Variants in ENTREP2 observed in about 807,000 individuals in gnomAD.
ENTREP2 encodes endosomal transmembrane epsin interactor 2.
At chr15:29,319,008 A>G in the ENTREP2 span, among the ~76,000 whole-genome samples, 2 of 152,334 alleles carry the variant, frequency 1.3e-5, no homozygotes, top group East Asian at 3.9e-4. Flanking sequence ...GATTAACTGT[A>G]TACCACCTAA....
At chr15:29,200,769 C>T in the ENTREP2 span, among the ~76,000 whole-genome samples, 5 of 152,178 alleles carry the variant, frequency 3.3e-5, no homozygotes, top group Admixed American at 6.5e-5. Flanking sequence ...GCCATATTGG[C>T]CAGGCTGGTC....
At chr15:29,332,266 T>C in the ENTREP2 span, among the ~76,000 whole-genome samples, 27 of 152,138 alleles carry the variant, frequency 1.8e-4, no homozygotes, top group African/African-American at 3.4e-4. Context: ...AAAAAAAAGA[T>C]GAAATCATCG....
chr15:29,120,006 C>T, the ENTREP2 span, among the ~76,000 whole-genome samples: 1 of 152,262 alleles, frequency 6.6e-6, no homozygotes, highest in Non-Finnish European at 1.5e-5. Flanking sequence ...CCCTTGGAGG[C>T]CATGTCCATG....
chr15:29,395,124 G>A, the ENTREP2 span, among the ~76,000 whole-genome samples: 96,515 of 145,420 alleles, frequency 0.66, 34,520 homozygotes, highest in Admixed American at 0.77. Context: ...TCCTGATCTC[G>A]TGATCCGCCC....
chr15:29,207,455 C>CGGGGGGG, the ENTREP2 span, among the ~76,000 whole-genome samples: 93 of 122,986 alleles, frequency 7.6e-4, no homozygotes, highest in African/African-American at 2.8e-3. Context: ...GGTTGGGGGG[C>CGGGGGGG]GGGGGGGGTG....
the ENTREP2 span, among the ~76,000 whole-genome samples, chr15:29,208,762 G>C: frequency 2.4e-4 from 36 of 152,266 alleles, no homozygotes; most frequent in East Asian, 7.0e-3. Context: ...AGCAATACAC[G>C]AGAATAGCCA....
chr15:29,622,242 T>C, the ENTREP2 span, among the ~76,000 whole-genome samples: 2 of 152,166 alleles, frequency 1.3e-5, no homozygotes, highest in Non-Finnish European at 2.9e-5. Context: ...AGTCTAGCTC[T>C]GTTGCCCAGG....
the ENTREP2 span, among the ~76,000 whole-genome samples, chr15:29,627,924 T>C: frequency 6.6e-6 from 1 of 152,232 alleles, no homozygotes. Context: ...TTTCACCTAT[T>C]GTGAATAATG....
the ENTREP2 span, among the ~76,000 whole-genome samples, chr15:29,286,571 G>T: frequency 2.0e-5 from 3 of 152,142 alleles, no homozygotes; most frequent in Non-Finnish European, 4.4e-5. Context: ...GAATGCGGCG[G>T]TAGTGACACT....
chr15:29,494,099 G>A, the ENTREP2 span, among the ~76,000 whole-genome samples: 47 of 151,738 alleles, frequency 3.1e-4, no homozygotes, highest in African/African-American at 9.9e-4. Context: ...AACAAGGATC[G>A]AAAAGAGACA....
chr15:29,244,862 A>G, the ENTREP2 span, among the ~76,000 whole-genome samples: 1 of 152,242 alleles, frequency 6.6e-6, no homozygotes, highest in Non-Finnish European at 1.5e-5. Flanking sequence ...ACCATCTCTC[A>G]GCAGCATGCT....
chr15:29,345,690 C>T, the ENTREP2 span, among the ~76,000 whole-genome samples: 2 of 151,904 alleles, frequency 1.3e-5, no homozygotes, highest in African/African-American at 2.4e-5. Context: ...TCCTGCCCCA[C>T]ATCCCCCCCA....
the ENTREP2 span, among the ~76,000 whole-genome samples, chr15:29,254,860 A>AAACC: frequency 6.6e-6 from 1 of 152,286 alleles, no homozygotes; most frequent in East Asian, 1.9e-4. Flanking sequence ...ACAAACAAAC[A>AAACC]AACCAACAAA....
At chr15:29,649,100 T>C in the ENTREP2 span, among the ~76,000 whole-genome samples, 33 of 143,662 alleles carry the variant, frequency 2.3e-4, no homozygotes, top group Admixed American at 1.0e-3. Context: ...ACAGCTATTA[T>C]GCCTTGGTGT....
the ENTREP2 span, among the ~76,000 whole-genome samples, chr15:29,576,465 A>G: frequency 8.5e-5 from 13 of 152,248 alleles, no homozygotes; most frequent in Non-Finnish European, 1.5e-4. Flanking sequence ...AGAAAAAATA[A>G]ACAAATTATA....
the ENTREP2 span, among the ~76,000 whole-genome samples, chr15:29,427,082 A>G: frequency 6.6e-6 from 1 of 152,074 alleles, no homozygotes; most frequent in Admixed American, 6.6e-5. Flanking sequence ...TAGGTGATTT[A>G]TTTTGTTATA....
At chr15:29,281,330 G>C in the ENTREP2 span, among the ~76,000 whole-genome samples, 1 of 152,180 alleles carries the variant, frequency 6.6e-6, no homozygotes, top group Non-Finnish European at 1.5e-5. Flanking sequence ...GCCTATTAAA[G>C]TGGAGGTTAT....
the ENTREP2 span, among the ~76,000 whole-genome samples, chr15:29,130,412 C>A: frequency 6.6e-6 from 1 of 152,130 alleles, no homozygotes; most frequent in Non-Finnish European, 1.5e-5. Context: ...TCACAAAGAG[C>A]GAACAATGTC....
At chr15:29,536,898 G>A in the ENTREP2 span, among the ~76,000 whole-genome samples, 1 of 152,082 alleles carries the variant, frequency 6.6e-6, no homozygotes, top group Non-Finnish European at 1.5e-5. Flanking sequence ...ACCACCAGAA[G>A]CCAGGAGAAA....
Sources: gnomAD v4.1 joint callset for allele counts (sites outside exome capture counted in the v4.1 genomes callset) on GRCh38, gnomAD v4.1.1 for gene constraint, MANE v1.5 for transcripts, NCBI Gene and HGNC (gene_info 2026-07-23, HGNC 2026-07-21) for gene names.